The following PCDHA1 variants were observed in gnomAD, a reference collection of about 807,000 sequenced individuals.
PCDHA1 encodes protocadherin alpha-1.
A neutral mutation model predicts 61.3 loss-of-function variants in PCDHA1; 42 were observed. The ratio of observed to expected loss-of-function variants is 0.69; its 90% CI spans 0.54 to 0.89. The LOEUF (loss-of-function observed/expected upper bound fraction) is 0.89. PCDHA1 is among the 40% of genes least tolerant of loss of function. The probability of loss-of-function intolerance (pLI) is 0.00; values close to 1 mark genes in which losing one functional copy is unlikely to be tolerated. For missense variants in PCDHA1, 1,256 were observed against 1,235.3 expected (o/e 1.02, Z -0.25); for synonymous variants, 610 against 553.8 (o/e 1.10, Z -1.43).
In PCDHA1 at chr5:140,788,160, G is replaced by C; in HGVS notation, c.1870G>C (p.Val624Leu). The change falls in exon 1 of 4, where the codon GTG becomes CTG. Residue 624 changes from valine to leucine, a missense_variant. Physicochemically the swap from Val to Leu is conservative, Grantham distance 32. Transcript: ENST00000504120. ...AAGGARIPFR[V>L]GLYTGEISTT... ...AGGCGGCGCGCGCATCCCGTTCCGC[G>C]TGGGGCTGTACACGGGCGAGATCAG... 1.2e-6 allele frequency: 2 copies of C among 1,614,052 alleles called. No homozygotes were observed. Among genetic ancestry groups the C allele is most frequent in the African/African-American group, 2.7e-5 (2 of 75,072 alleles).
At chr5:140,993,460 TCTCACACACACACA>T (rs1441171729) in intron 3 of PCDHA1, among the ~76,000 whole-genome samples, 1 of 104,506 alleles carries the variant, frequency 9.6e-6, no homozygotes, top group Non-Finnish European at 1.9e-5. Flanking sequence ...CTTCTTTCTT[TCTCACACACACACA>T]CACACACACA....
At chr5:140,834,241 G>T (rs1440716193) in intron 1 of PCDHA1, 2 of 811,066 alleles carry the variant, frequency 2.5e-6, no homozygotes, top group Non-Finnish European at 1.9e-6. Flanking sequence ...ATTCCTTTTC[G>T]CACTGGAAAG....
At chr5:140,798,238 C>A (rs1762306449) in intron 1 of PCDHA1, among the ~76,000 whole-genome samples, 1 of 152,092 alleles carries the variant, frequency 6.6e-6, no homozygotes, top group Non-Finnish European at 1.5e-5. Flanking sequence ...AAGTATGTAG[C>A]ACAGGTTGTT....
chr5:140,886,014 CTA>C (rs1317969139), intron 1 of PCDHA1, among the ~76,000 whole-genome samples: 1 of 152,078 alleles, frequency 6.6e-6, no homozygotes, highest in Non-Finnish European at 1.5e-5. Flanking sequence ...AAGGGAGATG[CTA>C]TGTATTCTTC....
At chr5:140,993,018 C>T (rs2097537347) in intron 3 of PCDHA1, among the ~76,000 whole-genome samples, 1 of 152,174 alleles carries the variant, frequency 6.6e-6, no homozygotes, top group African/African-American at 2.4e-5. Flanking sequence ...AGTCCAGCAT[C>T]CCCTGTGGGC....
intron 1 of PCDHA1, chr5:140,927,725 C>T (rs782731204): frequency 1.2e-6 from 2 of 1,614,202 alleles, no homozygotes; most frequent in South Asian, 2.2e-5. Flanking sequence ...AGCACGCAAG[C>T]AGAGCTGCGA....
intron 3 of PCDHA1, among the ~76,000 whole-genome samples, chr5:140,992,004 G>A (rs1165725360): frequency 2.0e-5 from 3 of 147,598 alleles, no homozygotes; most frequent in Non-Finnish European, 3.0e-5. Context: ...TTCATGTTCA[G>A]GCAGAGGTGG....
At chr5:140,868,860 A>C (rs2050688614) in intron 1 of PCDHA1, 1 of 525,418 alleles carries the variant, frequency 1.9e-6, no homozygotes, top group Admixed American at 3.7e-5. Context: ...GTGGTGGTAA[A>C]TGCAGTGCAC....
Position 141,009,779 on chromosome 5 carries a change from A to G in PCDHA1, c.2695A>G (p.Ile899Val), listed in dbSNP as rs1289763016. 3.7e-6 allele frequency: 6 copies of G among 1,613,952 alleles called. No individual in the cohort carries two copies. Among genetic ancestry groups the G allele is most frequent in the Non-Finnish European group, 5.1e-6 (6 of 1,180,030 alleles). ...CCCAGGATCTCCTGCAATCATCTCCATCCGGCAGGAGCCTACTAACAGCCA... is the reference window on the plus strand; with the variant it reads ...CCCAGGATCTCCTGCAATCATCTCCGTCCGGCAGGAGCCTACTAACAGCCA... ...IIPGSPAIIS[I>V]RQEPTNSQID... The change falls in exon 4 of 4, where the codon ATC becomes GTC. Residue 899 changes from isoleucine to valine, a missense_variant. Coordinates refer to ENST00000504120, the MANE Select transcript of PCDHA1 (RefSeq NM_018900.4).
chr5:140,920,955 C>A (rs2079947807), intron 1 of PCDHA1, among the ~76,000 whole-genome samples: 1 of 151,668 alleles, frequency 6.6e-6, no homozygotes, highest in Admixed American at 6.6e-5. Context: ...AAACACTACA[C>A]ATGTAGTACT....
intron 1 of PCDHA1, chr5:140,848,307 CTT>C (rs1781430296): frequency 1.4e-6 from 1 of 711,402 alleles, no homozygotes; most frequent in Non-Finnish European, 2.4e-6. Context: ...TGATGTCACT[CTT>C]TGCCGCGATG....
intron 1 of PCDHA1, chr5:140,926,518 C>T (rs1584446348): frequency 4.9e-6 from 1 of 202,636 alleles, no homozygotes; most frequent in Non-Finnish European, 9.8e-6. Context: ...CAGGCTCCGC[C>T]CTGCGCCCGC....
At chr5:140,884,137 C>T (rs782067447) in intron 1 of PCDHA1, 4 of 1,613,402 alleles carry the variant, frequency 2.5e-6, no homozygotes, top group Middle Eastern at 1.7e-4. Context: ...TCCCGTTCCG[C>T]GTGGGGCTGT....
intron 1 of PCDHA1, among the ~76,000 whole-genome samples, chr5:140,924,235 G>C (rs1320085802): frequency 6.6e-6 from 1 of 152,208 alleles, no homozygotes; most frequent in Non-Finnish European, 1.5e-5. Flanking sequence ...TTTATGGGCT[G>C]TTTTGCATCC....
chr5:140,817,612 A>T (rs924358781), intron 1 of PCDHA1: 1 of 152,206 alleles, frequency 6.6e-6, no homozygotes, highest in Admixed American at 6.5e-5. Context: ...TAAGACCTTG[A>T]ATCATTATAC....
intron 1 of PCDHA1, chr5:140,803,087 G>A: frequency 6.2e-7 from 1 of 1,613,906 alleles, no homozygotes; most frequent in Non-Finnish European, 8.5e-7. Flanking sequence ...ACACGGGAGA[G>A]ATCAGCACGA....
intron 1 of PCDHA1, chr5:140,876,434 A>G (rs2056340599): frequency 1.2e-6 from 2 of 1,613,976 alleles, no homozygotes; most frequent in Non-Finnish European, 1.7e-6. Flanking sequence ...ATTCAGGTTA[A>G]CGCCATTGAT....
At chr5:140,882,556 T>C (rs367760301) in intron 1 of PCDHA1, 103 of 1,614,070 alleles carry the variant, frequency 6.4e-5, no homozygotes, top group African/African-American at 9.3e-5. Flanking sequence ...AGGAGCTGTG[T>C]GGGCGGAGCG....
At position 140,851,390 on chromosome 5, in the gene PCDHA1, C is replaced by A. The variant is rs1410826615; in HGVS notation, c.2394+62706C>A. The A allele has an allele frequency of 2.3e-5, 22 of 973,626 alleles. 2 individuals are homozygous for A. In the African/African-American group the frequency reaches 3.7e-4, roughly 16 times the overall value. The allele number at this position is 973,626 out of a possible 1,614,324, so 60.3% of individuals were successfully genotyped here. A position where few individuals can be genotyped will look rare whatever the true frequency, so the allele number is the denominator to read the frequency against. On this transcript the variant is annotated intron_variant, in intron 1 of 3. Transcript: ENST00000504120. ...CTGATTGTTCAGCAACCTTCAGTAT[C>A]TATTATTTTAATAAGAAAGAAACTT...
Sources: allele counts gnomAD v4.1 joint callset (sites outside exome capture counted in the v4.1 genomes callset), GRCh38; gene constraint gnomAD v4.1.1; transcripts MANE v1.5; gene names NCBI Gene and HGNC (gene_info 2026-07-23, HGNC 2026-07-21).